MKLN1: variants seen among roughly 807,000 people sequenced by gnomAD.
The protein encoded by MKLN1 is muskelin.
A neutral mutation model predicts 99.0 loss-of-function variants in MKLN1; 18 were observed. The observed-to-expected ratio is 0.18, with a 90% CI of 0.13 to 0.27. The LOEUF (loss-of-function observed/expected upper bound fraction) is 0.27. Ranked by LOEUF, MKLN1 falls within the 10% of genes least tolerant of loss-of-function variation. The pLI is 1.00. For synonymous variants in MKLN1, 288 were observed against 293.2 expected, an observed-to-expected ratio of 0.98 and a Z score of 0.18; for missense variants, 621 against 875.9, an observed-to-expected ratio of 0.71 and a Z score of 3.67.
chr7:131,372,075 G>C (rs931345955), intron 1 of MKLN1, among the ~76,000 whole-genome samples: 1 of 151,264 alleles, frequency 6.6e-6, no homozygotes, highest in Non-Finnish European at 1.5e-5. Context: ...TTCTTTCCTA[G>C]GAACTGTGAA....
At chr7:131,284,100 G>A (rs1215489592) in intron 3 of MKLN1, among the ~76,000 whole-genome samples, 1 of 152,050 alleles carries the variant, frequency 6.6e-6, no homozygotes, top group Non-Finnish European at 1.5e-5. Flanking sequence ...CCTGGTGTAC[G>A]TCTCCTTGAA....
At position 131,211,586 on chromosome 7, in the gene MKLN1, T is replaced by C. The variant is rs1384384042; in HGVS notation, c.-179+8612T>C. The stretch of plus-strand genomic sequence containing the variant: ...TTCACTTTGTCTTCCTGTAATTTAT[T>C]ACAACCAACCCTTGTGTTTTTTTTT... On this transcript the variant is annotated intron_variant, in intron 3 of 7. Transcript: ENST00000416992. Among the ~76,000 whole-genome samples, 4 of 148,228 alleles carry C rather than the reference T, an allele frequency of 2.7e-5. No individual in the cohort carries two copies. The East Asian group carries it at 7.7e-4, about 29-fold the overall frequency.
chr7:131,141,858 T>C (rs539756352), intron 1 of MKLN1, among the ~76,000 whole-genome samples: 6 of 152,344 alleles, frequency 3.9e-5, no homozygotes, highest in Non-Finnish European at 8.8e-5. Context: ...CTGTAAGTGC[T>C]TACGGGGACC....
chr7:131,437,702 C>T (rs925478858), intron 9 of MKLN1, 83 bp from the exon 10 acceptor site: 121 of 1,046,920 alleles, frequency 1.2e-4, no homozygotes, highest in African/African-American at 3.9e-4. Context: ...TAAAAAATGA[C>T]GTTTAATTTT....
chr7:131,377,333 C>T (rs1023079552), intron 2 of MKLN1, among the ~76,000 whole-genome samples: 1 of 152,156 alleles, frequency 6.6e-6, no homozygotes, highest in African/African-American at 2.4e-5. Flanking sequence ...ATGTTCTCCT[C>T]ATCACTTCTA....
chr7:131,378,173 G>A (rs756896008), intron 2 of MKLN1, among the ~76,000 whole-genome samples: 7 of 152,094 alleles, frequency 4.6e-5, no homozygotes, highest in Non-Finnish European at 5.9e-5. Flanking sequence ...GTGCAGTGGC[G>A]TAATCTTGGC....
At chr7:131,292,027 A>G (rs1798226735) in intron 3 of MKLN1, among the ~76,000 whole-genome samples, 1 of 152,056 alleles carries the variant, frequency 6.6e-6, no homozygotes, top group African/African-American at 2.4e-5. Flanking sequence ...GGATGGCTTG[A>G]GCATAGGAGT....
chr7:131,464,827 A>T (rs1052927153), intron 14 of MKLN1, among the ~76,000 whole-genome samples: 2 of 152,170 alleles, frequency 1.3e-5, no homozygotes, highest in Non-Finnish European at 2.9e-5. Flanking sequence ...TTCCTGATAT[A>T]CTAGTGATAC....
intron 1 of MKLN1, among the ~76,000 whole-genome samples, chr7:131,131,752 T>A (rs1222066050): frequency 6.6e-6 from 1 of 152,210 alleles, no homozygotes; most frequent in Non-Finnish European, 1.5e-5. Context: ...GATGTATTAA[T>A]CTTGAGGAAT....
chr7:131,238,200 C>T (rs1388750113), intron 3 of MKLN1, among the ~76,000 whole-genome samples: 1 of 152,084 alleles, frequency 6.6e-6, no homozygotes, highest in Non-Finnish European at 1.5e-5. Flanking sequence ...TCAGACTCAT[C>T]TTGTGTGCCT....
chr7:131,171,497 G>A (rs1182262147), intron 2 of MKLN1, among the ~76,000 whole-genome samples: 1 of 151,674 alleles, frequency 6.6e-6, no homozygotes, highest in Non-Finnish European at 1.5e-5. Flanking sequence ...CGCTTTTGTA[G>A]CCAAGGCTGG....
At chr7:131,231,382 G>A (rs996487297) in intron 3 of MKLN1, among the ~76,000 whole-genome samples, 3 of 152,076 alleles carry the variant, frequency 2.0e-5, no homozygotes, top group Non-Finnish European at 2.9e-5. Flanking sequence ...CATGCAGCCT[G>A]AAGCACTTGG....
intron 3 of MKLN1, among the ~76,000 whole-genome samples, chr7:131,259,398 T>C (rs1167662989): frequency 6.6e-6 from 1 of 152,232 alleles, no homozygotes; most frequent in Non-Finnish European, 1.5e-5. Context: ...AAACAGTTGC[T>C]AAAATTTTGC....
intron 8 of MKLN1, among the ~76,000 whole-genome samples, chr7:131,423,700 T>C (rs1795271003): frequency 6.6e-6 from 1 of 152,242 alleles, no homozygotes; most frequent in Admixed American, 6.5e-5. Flanking sequence ...AAGAAACTTT[T>C]GAAGAGAGTG....
chr7:131,194,566 T>A (rs6467359), intron 2 of MKLN1, among the ~76,000 whole-genome samples: 75,524 of 152,028 alleles, frequency 0.5, 19,371 homozygotes, highest in South Asian at 0.64. Context: ...AGATCCATAC[T>A]TACGGCCAGA....
chr7:131,425,427 C>T (rs904960492), intron 8 of MKLN1, among the ~76,000 whole-genome samples: 10 of 152,052 alleles, frequency 6.6e-5, no homozygotes, highest in Non-Finnish European at 1.0e-4. Flanking sequence ...TGCTTTTTAC[C>T]TTGTTTATCT....
intron 1 of MKLN1, among the ~76,000 whole-genome samples, chr7:131,342,523 T>C (rs1799438651): frequency 6.6e-6 from 1 of 152,232 alleles, no homozygotes; most frequent in African/African-American, 2.4e-5. Flanking sequence ...AAATGGGAGA[T>C]ATTTTTGGAA....
intron 3 of MKLN1, among the ~76,000 whole-genome samples, chr7:131,249,213 C>T (rs1468254477): frequency 1.3e-5 from 2 of 152,204 alleles, no homozygotes; most frequent in Non-Finnish European, 2.9e-5. Flanking sequence ...CACATGGGTT[C>T]AGCCATGAGG....
intron 2 of MKLN1, among the ~76,000 whole-genome samples, chr7:131,152,407 AT>A (rs1162754032): frequency 1.3e-5 from 2 of 151,994 alleles, no homozygotes; most frequent in African/African-American, 4.8e-5. Context: ...AACTAATACA[AT>A]TTTTTAGTAG....
Sources: gnomAD v4.1 joint callset for allele counts (sites outside exome capture counted in the v4.1 genomes callset) on GRCh38, gnomAD v4.1.1 for gene constraint, MANE v1.5 for transcripts, NCBI Gene and HGNC (gene_info 2026-07-23, HGNC 2026-07-21) for gene names.